The following VWDE variants were observed in gnomAD, a reference collection of about 807,000 sequenced individuals.
The protein encoded by VWDE is von Willebrand factor D and EGF domain-containing protein.
Under a neutral mutation model 178.4 loss-of-function variants are expected in VWDE, and 207 were observed. The ratio of observed to expected loss-of-function variants is 1.16; its 90% CI spans 1.04 to 1.30. VWDE has a LOEUF of 1.30. Ranked by LOEUF, VWDE falls within the 50% of genes most tolerant of loss-of-function variation. The probability of loss-of-function intolerance (pLI) is 0.00; values close to 1 mark genes in which losing one functional copy is unlikely to be tolerated. For missense variants in VWDE, 2,287 were observed against 1,901.3 expected (o/e 1.20, Z -3.77); for synonymous variants, 738 against 651.4 (o/e 1.13, Z -2.02).
intron 13 of VWDE, among the ~76,000 whole-genome samples, chr7:12,362,216 AACATACAC>A (rs2128553553): frequency 1.3e-5 from 1 of 77,008 alleles, no homozygotes; most frequent in African/African-American, 6.3e-5. Context: ...AATTGAGACA[AACATACAC>A]ACACACACAC....
At chr7:12,392,868 A>C (rs1454695436) in intron 2 of VWDE, among the ~76,000 whole-genome samples, 1 of 151,784 alleles carries the variant, frequency 6.6e-6, no homozygotes, top group Admixed American at 6.6e-5. Context: ...AATTTTGTCC[A>C]TTTAAACCTG....
intron 4 of VWDE, among the ~76,000 whole-genome samples, 178 bp downstream of exon 4, chr7:12,383,358 C>CAACT (rs1323749485): frequency 2.0e-5 from 3 of 152,190 alleles, no homozygotes; most frequent in Non-Finnish European, 4.4e-5. Context: ...GTACCTCACC[C>CAACT]AACTCGAGGA....
At chr7:12,394,110 AT>A (rs1321237818) in intron 1 of VWDE, among the ~76,000 whole-genome samples, 1 of 152,148 alleles carries the variant, frequency 6.6e-6, no homozygotes. Flanking sequence ...ACCTACAAGG[AT>A]TTCTCTTGGG....
intron 24 of VWDE, among the ~76,000 whole-genome samples, 170 bp downstream of exon 24, chr7:12,340,150 CTT>C (rs1781247096): frequency 6.6e-6 from 1 of 152,032 alleles, no homozygotes; most frequent in Non-Finnish European, 1.5e-5. Context: ...TACATAATAA[CTT>C]TGATATATTT....
Position 12,331,070 on chromosome 7 carries a change from T to C in VWDE, c.*113A>G. ...GTATTTTATTAGTTTCTTCAGTCTTTAAGATATTTTTTGAATGATGTTCAA... is the reference window on the plus strand; with the variant it reads ...GTATTTTATTAGTTTCTTCAGTCTTCAAGATATTTTTTGAATGATGTTCAA... On this transcript the variant is annotated 3_prime_UTR_variant, in exon 29 of 29. Coordinates refer to ENST00000275358, the MANE Select transcript of VWDE (RefSeq NM_001135924.3). 1 of 766,748 alleles carries C rather than the reference T, an allele frequency of 1.3e-6. No individual in the cohort carries two copies. Among genetic ancestry groups the C allele is most frequent in the South Asian group, 1.9e-5 (1 of 53,534 alleles). The allele number at this position is 766,748 out of a possible 1,614,324, so 47.5% of individuals were successfully genotyped here.
intron 19 of VWDE, among the ~76,000 whole-genome samples, chr7:12,345,252 T>C (rs1399023867): frequency 6.6e-6 from 1 of 152,060 alleles, no homozygotes; most frequent in Non-Finnish European, 1.5e-5. Context: ...ACAGTATAAA[T>C]GATCAATAAA....
intron 5 of VWDE, among the ~76,000 whole-genome samples, chr7:12,379,777 G>A (rs1783738392): frequency 6.6e-6 from 1 of 152,006 alleles, no homozygotes; most frequent in Non-Finnish European, 1.5e-5. Flanking sequence ...AAGTATAGTA[G>A]GCTTTGTATT....
At chr7:12,359,543 A>G (rs966878613) in intron 16 of VWDE, 35 bp downstream of exon 16, 32 of 1,381,180 alleles carry the variant, frequency 2.3e-5, no homozygotes, top group Non-Finnish European at 3.0e-5. Flanking sequence ...AATGTCTTGT[A>G]TAGGAAATAT....
chr7:12,402,886 G>C (rs1368289043), intron 1 of VWDE, among the ~76,000 whole-genome samples: 1 of 151,958 alleles, frequency 6.6e-6, no homozygotes, highest in Non-Finnish European at 1.5e-5. Flanking sequence ...GTTTTTTCAA[G>C]CTGCAGATGG....
At chr7:12,355,767 T>C in intron 18 of VWDE, among the ~76,000 whole-genome samples, 1 of 152,166 alleles carries the variant, frequency 6.6e-6, no homozygotes. Flanking sequence ...ACTTTTGTAT[T>C]TTCTCTGGCA....
intron 1 of VWDE, among the ~76,000 whole-genome samples, chr7:12,400,783 C>G (rs977979270): frequency 6.6e-6 from 1 of 151,984 alleles, no homozygotes; most frequent in African/African-American, 2.4e-5. Context: ...GACTATAAAC[C>G]AATACATCTC....
Position 12,367,463 on chromosome 7 carries a change from T to G in VWDE, c.2792A>C (p.Asn931Thr), listed in dbSNP as rs1782925133. 1 of 1,537,662 alleles carries G rather than the reference T, an allele frequency of 6.5e-7. No homozygotes were observed. Among genetic ancestry groups the G allele is most frequent in the Non-Finnish European group, 8.8e-7 (1 of 1,140,276 alleles). ...DKAPEITELG[N>T]AGFCDVQKYN... ...TTTTTGAACATCACAGAATCCAGCA[T>G]TCCCAAGCTCTGTAATTTCAGGAGC... The change falls in exon 13 of 29, where the codon AAT becomes ACT. Residue 931 changes from asparagine (N) to threonine (T), a missense_variant. Transcript: ENST00000275358.
chr7:12,369,485 A>G (rs1783034685), intron 12 of VWDE, 60 bp downstream of exon 12: 16 of 1,456,954 alleles, frequency 1.1e-5, no homozygotes, highest in Non-Finnish European at 1.5e-5. Context: ...AATAAAGATC[A>G]AACACATTTT....
chr7:12,331,781 G>A (rs1272411259), intron 28 of VWDE, among the ~76,000 whole-genome samples: 4 of 152,090 alleles, frequency 2.6e-5, no homozygotes, highest in African/African-American at 4.8e-5. Context: ...CAAATAAGTG[G>A]CAGGGTCAGA....
At position 12,333,513 on chromosome 7, in the gene VWDE, A is replaced by C. The variant is rs201760075; in HGVS notation, c.4710T>G (p.Cys1570Trp). The change falls in exon 28 of 29, where the codon TGT becomes TGG. Residue 1570 changes from cysteine to tryptophan, a missense_variant. Transcript: ENST00000275358. ...CTCCAGAGTATTCAGTGCGGCAGGA[A>C]CACACATTGGGAAATATGCATCTGC... is the stretch of plus-strand genomic sequence containing the variant. ...YGGRCIFPNV[C>W]SCRTEYSGVK... 2,075 of 1,551,310 alleles carry C rather than the reference A, an allele frequency of 1.3e-3. 2 individuals are homozygous for C. Among genetic ancestry groups the C allele is most frequent in the Non-Finnish European group, 1.6e-3 (1,807 of 1,146,700 alleles).
rs1782462355 is a variant in VWDE at position 12,359,661 on chromosome 7, T to C, written c.3191A>G (p.Tyr1064Cys). The C allele has an allele frequency of 1.9e-6, 3 of 1,549,212 alleles. No homozygotes were observed. Among genetic ancestry groups the C allele is most frequent in the East Asian group, 2.5e-5 (1 of 40,764 alleles). ...ENVCIIDGLC[Y>C]VEGDKNPTSP... ...GGTTGGATTTTTGTCTCCTTCAACATAGCAGAGTCCATCAATAATGCAAAC... is the reference window on the plus strand; with the variant it reads ...GGTTGGATTTTTGTCTCCTTCAACACAGCAGAGTCCATCAATAATGCAAAC... Residue 1064 changes from tyrosine to cysteine, a missense_variant, in exon 16 of 29, where the codon TAT becomes TGT. Tyr to Cys is a radical substitution (Grantham distance 194). Transcript: ENST00000275358.
chr7:12,402,743 A>T (rs1345361797), intron 1 of VWDE, among the ~76,000 whole-genome samples: 1 of 152,176 alleles, frequency 6.6e-6, no homozygotes, highest in Non-Finnish European at 1.5e-5. Flanking sequence ...TTAGTATTTT[A>T]TTTTTAAGTT....
intron 1 of VWDE, among the ~76,000 whole-genome samples, chr7:12,397,152 A>G (rs1005462747): frequency 6.6e-6 from 1 of 152,164 alleles, no homozygotes. Flanking sequence ...GAGGCATTAC[A>G]TTACCCAACT....
intron 1 of VWDE, among the ~76,000 whole-genome samples, chr7:12,400,508 A>G (rs945716631): frequency 6.6e-6 from 1 of 152,174 alleles, no homozygotes; most frequent in Non-Finnish European, 1.5e-5. Context: ...TCAAGAAGAA[A>G]AATACAATCC....
Sources: gnomAD v4.1 joint callset for allele counts (sites outside exome capture counted in the v4.1 genomes callset) on GRCh38, gnomAD v4.1.1 for gene constraint, MANE v1.5 for transcripts, NCBI Gene and HGNC (gene_info 2026-07-23, HGNC 2026-07-21) for gene names.